The following ATRNL1 variants were observed in gnomAD, a reference collection of about 807,000 sequenced individuals.
ATRNL1 encodes attractin like 1.
ATRNL1 carries 95 observed loss-of-function variants against 182.7 expected under a neutral mutation model. That is an observed-to-expected ratio of 0.52 (90% confidence interval 0.44 to 0.62). The LOEUF is 0.62. Among genes scored for constraint, ATRNL1 ranks in the 20% least tolerant of loss-of-function variants. The probability of loss-of-function intolerance (pLI) is 0.00; values close to 1 mark genes in which losing one functional copy is unlikely to be tolerated. For missense variants in ATRNL1, 1,471 were observed against 1,679.5 expected (o/e 0.88, Z 2.17); for synonymous variants, 576 against 568.3 (o/e 1.01, Z -0.19).
At chr10:115,937,831 G>A (rs1322494935) in intron 28 of ATRNL1, among the ~76,000 whole-genome samples, 1 of 152,210 alleles carries the variant, frequency 6.6e-6, no homozygotes, top group Middle Eastern at 3.2e-3. Flanking sequence ...AAGACAGATA[G>A]TAAATGAGGT....
intron 26 of ATRNL1, among the ~76,000 whole-genome samples, chr10:115,559,441 T>TGCGC (rs782381760): frequency 0.013 from 202 of 15,286 alleles, 1 homozygote; most frequent in Admixed American, 0.056. Flanking sequence ...TGTGTGTGTG[T>TGCGC]GTGCGCGCGC....
chr10:115,483,129 G>A (rs1304048619), intron 24 of ATRNL1, among the ~76,000 whole-genome samples: 1 of 151,208 alleles, frequency 6.6e-6, no homozygotes, highest in African/African-American at 2.4e-5. Context: ...CTGTGCTAAT[G>A]GAAAAAGAAA....
At chr10:115,185,488 AG>A (rs1847905238) in intron 8 of ATRNL1, among the ~76,000 whole-genome samples, 1 of 152,086 alleles carries the variant, frequency 6.6e-6, no homozygotes, top group African/African-American at 2.4e-5. Flanking sequence ...AATTTAAGAA[AG>A]AAATACATTA....
At chr10:115,285,184 A>C (rs374972167) in intron 14 of ATRNL1, among the ~76,000 whole-genome samples, 1 of 152,126 alleles carries the variant, frequency 6.6e-6, no homozygotes, top group Admixed American at 6.5e-5. Flanking sequence ...TAAAATTATT[A>C]TTTTAAATGA....
chr10:115,824,494 C>A (rs1950379822), intron 27 of ATRNL1, among the ~76,000 whole-genome samples: 1 of 151,996 alleles, frequency 6.6e-6, no homozygotes, highest in South Asian at 2.1e-4. Context: ...AACAGGCAAC[C>A]TACAAAAATG....
chr10:115,851,962 C>A (rs1027789098), intron 28 of ATRNL1, among the ~76,000 whole-genome samples: 2 of 152,088 alleles, frequency 1.3e-5, no homozygotes, highest in Non-Finnish European at 2.9e-5. Flanking sequence ...GGTCCCCAAG[C>A]GTTTTAGAGG....
In ATRNL1 at chr10:115,364,000, G is replaced by A. The variant is rs374659973; in HGVS notation, c.3175+29581G>A. ...TGGCTTAGGATTGACTTGGTGATGC[G>A]GGCTCTTTTTTGATTCCATATGAAC... On this transcript the variant is annotated intron_variant, in intron 19 of 28. Transcript: ENST00000355044. 1.2e-3 allele frequency among the ~76,000 whole-genome samples: 177 copies of A among 152,002 alleles called. 4 individuals carry two copies. The East Asian group carries it at 0.032, about 28-fold the overall frequency.
intron 26 of ATRNL1, among the ~76,000 whole-genome samples, chr10:115,574,079 A>G (rs1854564294): frequency 6.6e-6 from 1 of 152,206 alleles, no homozygotes; most frequent in East Asian, 1.9e-4. Flanking sequence ...ATTTCTTGCA[A>G]AATCATGATT....
chr10:115,874,049 T>C (rs556052644), intron 28 of ATRNL1, among the ~76,000 whole-genome samples: 4 of 152,198 alleles, frequency 2.6e-5, no homozygotes, highest in Non-Finnish European at 5.9e-5. Context: ...CTCTCCCCTC[T>C]TTCACTGTTT....
At position 115,160,173 on chromosome 10, in the gene ATRNL1, T is replaced by C; in HGVS notation, c.963T>C (p.Gly321=). 2.5e-6 allele frequency: 4 copies of C among 1,612,684 alleles called. No homozygotes were observed. The highest frequency in any genetic ancestry group is 3.4e-6 in the Non-Finnish European group (4 of 1,179,092). The part of the protein sequence containing the change: ...VLHGKFMWVI[G]GYTFNYSSFQ... ...ACGGGAAATTTATGTGGGTGATTGG[T>C]GGATATACTTTTAACTACAGTTCTT... Residue 321 remains glycine, a synonymous_variant, in exon 6 of 29, where the codon GGT becomes GGC. Coordinates refer to ENST00000355044, the MANE Select transcript of ATRNL1 (RefSeq NM_207303.4).
intron 27 of ATRNL1, among the ~76,000 whole-genome samples, chr10:115,771,465 C>T (rs544798620): frequency 2.6e-5 from 4 of 152,070 alleles, no homozygotes; most frequent in Admixed American, 6.6e-5. Context: ...CTCCTGACCT[C>T]GTGATCCGCC....
intron 18 of ATRNL1, among the ~76,000 whole-genome samples, chr10:115,333,246 A>G (rs1454852656): frequency 1.2e-4 from 18 of 152,322 alleles, no homozygotes; most frequent in African/African-American, 4.3e-4. Context: ...AGTTAATTTT[A>G]TGTCCCAAAT....
intron 28 of ATRNL1, among the ~76,000 whole-genome samples, chr10:115,927,344 G>T (rs2620960): frequency 0.65 from 99,200 of 151,994 alleles, 36,381 homozygotes; most frequent in East Asian, 0.91. Context: ...TTGAAAACTG[G>T]TAGAATTCTA....
intron 7 of ATRNL1, 94 bp downstream of exon 7, chr10:115,165,739 T>A: frequency 1.7e-6 from 1 of 576,448 alleles, no homozygotes; most frequent in Non-Finnish European, 2.9e-6. Context: ...ATTTCAAATA[T>A]TTAATGAGAA....
rs2037545096 is a variant in ATRNL1 at position 115,519,384 on chromosome 10, G to A, written c.3716+60G>A. The A allele has an allele frequency of 2.2e-6, 3 of 1,357,420 alleles. No individual in the cohort carries two copies. In the Admixed American group the frequency reaches 5.4e-5, roughly 24 times the overall value. 84.1% of individuals were successfully genotyped at this position (1,357,420 alleles called of 1,614,324 possible). The stretch of plus-strand genomic sequence containing the variant: ...AAGCCTGTATTCTGATATATGTCCT[G>A]TCAATCTGTTAGATAATCGACCAAT... On this transcript the variant is annotated intron_variant, in intron 25 of 28. Coordinates refer to ENST00000355044, the MANE Select transcript of ATRNL1 (RefSeq NM_207303.4).
intron 25 of ATRNL1, among the ~76,000 whole-genome samples, chr10:115,537,417 C>T (rs1261537561): frequency 6.6e-6 from 1 of 152,156 alleles, no homozygotes; most frequent in Non-Finnish European, 1.5e-5. Flanking sequence ...ATAGGTATCA[C>T]TATTTAACTC....
At chr10:115,853,954 C>G (rs1951116816) in intron 28 of ATRNL1, among the ~76,000 whole-genome samples, 2 of 152,166 alleles carry the variant, frequency 1.3e-5, no homozygotes, top group Admixed American at 1.3e-4. Flanking sequence ...ATCCAAAATA[C>G]AGTTATTGTG....
At chr10:115,526,090 G>A (rs1565131161) in intron 25 of ATRNL1, among the ~76,000 whole-genome samples, 2 of 152,100 alleles carry the variant, frequency 1.3e-5, no homozygotes, top group African/African-American at 4.8e-5. Flanking sequence ...CCAGCATAAC[G>A]AAATGCTAGG....
chr10:115,460,590 C>T (rs554808471), intron 21 of ATRNL1, among the ~76,000 whole-genome samples: 4 of 152,162 alleles, frequency 2.6e-5, no homozygotes, highest in Non-Finnish European at 5.9e-5. Context: ...ACAGGCTTTA[C>T]GAGAATCACA....
Sources: gnomAD v4.1 joint callset for allele counts (sites outside exome capture counted in the v4.1 genomes callset) on GRCh38, gnomAD v4.1.1 for gene constraint, MANE v1.5 for transcripts, NCBI Gene and HGNC (gene_info 2026-07-23, HGNC 2026-07-21) for gene names.